SLC26A4: variants seen among roughly 807,000 people sequenced by gnomAD.
SLC26A4 encodes solute carrier family 26 member 4.
Under a neutral mutation model 90.4 loss-of-function variants are expected in SLC26A4, and 93 were observed. That is an observed-to-expected ratio of 1.03 (90% confidence interval 0.87 to 1.22). The LOEUF (loss-of-function observed/expected upper bound fraction) is 1.22. Among genes scored for constraint, SLC26A4 ranks in the 50% most tolerant of loss-of-function variants. The pLI is 0.00. For synonymous variants in SLC26A4, 393 were observed against 354.6 expected (o/e 1.11, Z -1.22); for missense variants, 1,127 against 946.2 (o/e 1.19, Z -2.51).
intron 3 of SLC26A4, among the ~76,000 whole-genome samples, chr7:107,664,736 C>T (rs1290654490): frequency 6.6e-6 from 1 of 152,102 alleles, no homozygotes; most frequent in Non-Finnish European, 1.5e-5. Flanking sequence ...CCATAATATT[C>T]CCATAAGCAT....
At chr7:107,680,483 T>C (rs1225477487) in intron 6 of SLC26A4, among the ~76,000 whole-genome samples, 3 of 146,580 alleles carry the variant, frequency 2.0e-5, no homozygotes, top group Non-Finnish European at 4.5e-5. Flanking sequence ...AATCTTATAT[T>C]ATTATATAAT....
chr7:107,689,081 A>C lies in SLC26A4; in HGVS notation c.1030A>C (p.Ser344Arg), dbSNP rs1246727708. The C allele has an allele frequency of 1.9e-6, 3 of 1,613,774 alleles. No homozygotes were observed. In the African/African-American group the frequency reaches 4.0e-5, roughly 22 times the overall value. ...TTTGCCTCCTGAACTTCCACCTGTG[A>C]GCTTGTTCTCGGAGATGCTGGCTGC... is the stretch of plus-strand genomic sequence containing the variant. ...GFLPPELPPV[S>R]LFSEMLAASF... Residue 344 changes from serine to arginine, a missense_variant, in exon 9 of 21, where the codon AGC (serine) becomes CGC (arginine). By Grantham distance (110) the Ser-to-Arg change is moderately radical. Coordinates refer to ENST00000644269, the MANE Select transcript of SLC26A4 (RefSeq NM_000441.2).
intron 17 of SLC26A4, among the ~76,000 whole-genome samples, chr7:107,703,890 C>T (rs1791967164): frequency 6.6e-6 from 1 of 152,146 alleles, no homozygotes; most frequent in African/African-American, 2.4e-5. Flanking sequence ...CAGTTTCTCC[C>T]AATGAGTAAC....
In SLC26A4 at chr7:107,689,723, AG is replaced by A. The variant is rs748342586; in HGVS notation, c.1150-400del. Among the ~76,000 whole-genome samples the A allele has an allele frequency of 7.9e-5, 12 of 152,210 alleles. No homozygotes were observed. The South Asian group carries it at 2.5e-3, about 32-fold the overall frequency. On this transcript the variant is annotated intron_variant, in intron 9 of 20. Coordinates refer to ENST00000644269, the MANE Select transcript of SLC26A4 (RefSeq NM_000441.2). The stretch of plus-strand genomic sequence containing the variant: ...CTATATGTTTCTGAAAATACAGTAT[AG>A]CAATAACAGTAGTTAAATGGTTAGT...
chr7:107,701,221 C>T, intron 16 of SLC26A4, 25 bp downstream of exon 16: 1 of 1,425,256 alleles, frequency 7.0e-7, no homozygotes. Flanking sequence ...TTCTTTTCCC[C>T]CTTAAATTAT....
In SLC26A4 at chr7:107,702,006, C is replaced by T; in HGVS notation, c.1983C>T (p.Asp661=). The part of the protein sequence containing the change: ...PKVPIHSLVL[D]CGAISFLDVV... ...TGCCAATCCATAGCCTTGTGCTTGA[C>T]TGTGGAGCTATATCTTTCCTGGACG... The change falls in exon 17 of 21, where the codon GAC becomes GAT. Residue 661 remains aspartate (D), a synonymous_variant. Transcript: ENST00000644269. 1 of 1,614,054 alleles carries T rather than the reference C, an allele frequency of 6.2e-7. No individual in the cohort carries two copies. Among genetic ancestry groups the T allele is most frequent in the East Asian group, 2.2e-5 (1 of 44,872 alleles).
intron 13 of SLC26A4, 115 bp from the exon 14 acceptor site, chr7:107,697,925 TAA>T: frequency 2.7e-6 from 2 of 731,522 alleles, no homozygotes; most frequent in African/African-American, 3.5e-5. Flanking sequence ...TCATCTGCAA[TAA>T]AGACAGAGTC....
At chr7:107,708,168 T>G (rs1360103042) in intron 18 of SLC26A4, among the ~76,000 whole-genome samples, 1 of 152,180 alleles carries the variant, frequency 6.6e-6, no homozygotes, top group Non-Finnish European at 1.5e-5. Flanking sequence ...TAATGCTCAA[T>G]TTTTAGAAAA....
chr7:107,716,559 T>G lies in SLC26A4; in HGVS notation c.*1113T>G, dbSNP rs1052114029. The G allele has an allele frequency of 1.3e-5, 2 of 152,246 alleles. No homozygotes were observed. The highest frequency in any genetic ancestry group is 4.8e-5 in the African/African-American group (2 of 41,466). The allele number at this position is 152,246 out of a possible 1,614,324, so 9.4% of individuals were successfully genotyped here. ...ATGTACATACTGAAAAATACAGGTT[T>G]TTTTGACCAAAAGTTTTTATATCTT... On this transcript the variant is annotated 3_prime_UTR_variant, in exon 21 of 21. Coordinates refer to ENST00000644269, the MANE Select transcript of SLC26A4 (RefSeq NM_000441.2).
chr7:107,693,981 G>C (rs1363221808), intron 10 of SLC26A4, among the ~76,000 whole-genome samples: 1 of 152,162 alleles, frequency 6.6e-6, no homozygotes, highest in Non-Finnish European at 1.5e-5. Flanking sequence ...AGAAAAATCA[G>C]CTATGTGCCA....
At chr7:107,699,973 C>T in intron 14 of SLC26A4, 110 bp from the exon 15 acceptor site, 1 of 745,884 alleles carries the variant, frequency 1.3e-6, no homozygotes. Flanking sequence ...GTGCTGCTAC[C>T]CAGCTCCTCT....
At chr7:107,693,584 C>T (rs1260232453) in intron 10 of SLC26A4, 158 of 985,416 alleles carry the variant, frequency 1.6e-4, no homozygotes, top group Non-Finnish European at 1.9e-4. Context: ...TCTGCCCCAG[C>T]TGTCTCAACA....
rs1790982775 is a variant in SLC26A4 at position 107,675,017 on chromosome 7, A to G, written c.673A>G (p.Thr225Ala). Residue 225 changes from threonine (T) to alanine (A), a missense_variant, in exon 6 of 21, where the codon ACA becomes GCA. Physicochemically the swap from Thr to Ala is moderately conservative, Grantham distance 58. Coordinates refer to ENST00000644269, the MANE Select transcript of SLC26A4 (RefSeq NM_000441.2). ...AGATCCTTTGGTTGGTGGCTTCACA[A>G]CAGCTGCTGCCTTCCAAGTGCTGGT... ...LADPLVGGFTTAAAFQVLVSQ... is the reference protein window; with the variant it reads ...LADPLVGGFTAAAAFQVLVSQ... 6.2e-7 allele frequency: 1 copy of G among 1,614,076 alleles called. No homozygotes were observed. Among genetic ancestry groups the G allele is most frequent in the East Asian group, 2.2e-5 (1 of 44,894 alleles).
chr7:107,714,247 A>G (rs777300233), intron 20 of SLC26A4, among the ~76,000 whole-genome samples: 7 of 152,014 alleles, frequency 4.6e-5, no homozygotes, highest in Non-Finnish European at 1.0e-4. Flanking sequence ...TGAATCTAAC[A>G]TCCAGGATAT....
chr7:107,680,091 ATATAAT>A (rs1272902076), intron 6 of SLC26A4, among the ~76,000 whole-genome samples: 3 of 92,774 alleles, frequency 3.2e-5, no homozygotes, highest in African/African-American at 4.8e-5. Flanking sequence ...TTATCTTATT[ATATAAT>A]CTTATCTTAT....
intron 20 of SLC26A4, among the ~76,000 whole-genome samples, chr7:107,714,403 G>T (rs1792283459): frequency 6.6e-6 from 1 of 152,202 alleles, no homozygotes; most frequent in South Asian, 2.1e-4. Context: ...GACAGGCAGA[G>T]ATTTCTGTGG....
Position 107,661,356 on chromosome 7 carries a change from C to A in SLC26A4, c.-3-283C>A. The A allele has an allele frequency of 1.8e-6, 1 of 551,052 alleles. No individual in the cohort carries two copies. The highest frequency in any genetic ancestry group is 3.3e-6 in the Non-Finnish European group (1 of 306,022). The allele number at this position is 551,052 out of a possible 1,614,324, so 34.1% of individuals were successfully genotyped here. ...GGGGACTGGGTGGAACTCGGGAAGC[C>A]CCCAGAGCAGGGGCTTACTCGCTTC... On this transcript the variant is annotated intron_variant, in intron 1 of 20. Transcript: ENST00000644269. This position sits in a 1 kb window ranked among gnomAD's most constrained non-coding sequence, Gnocchi z 5.1.
At chr7:107,695,624 G>C (rs1241507626) in intron 12 of SLC26A4, among the ~76,000 whole-genome samples, 1 of 152,124 alleles carries the variant, frequency 6.6e-6, no homozygotes, top group Non-Finnish European at 1.5e-5. Context: ...GTAACACAGT[G>C]AGACCTTGTC....
At chr7:107,699,796 G>A (rs1300188868) in intron 14 of SLC26A4, among the ~76,000 whole-genome samples, 1 of 151,852 alleles carries the variant, frequency 6.6e-6, no homozygotes, top group East Asian at 1.9e-4. Context: ...GGGTGTGGTG[G>A]CAGCACCTGT....
Sources: gnomAD v4.1 joint callset for allele counts (sites outside exome capture counted in the v4.1 genomes callset) on GRCh38, gnomAD v4.1.1 for gene constraint, Gnocchi (gnomAD v3.1) non-coding constraint, MANE v1.5 for transcripts, NCBI Gene and HGNC (gene_info 2026-07-23, HGNC 2026-07-21) for gene names.